Variants in INTU observed in about 807,000 individuals in gnomAD.
The protein encoded by INTU is protein inturned.
INTU carries 68 observed loss-of-function variants against 100.5 expected under a neutral mutation model. That is an observed-to-expected ratio of 0.68 (90% CI 0.56 to 0.83). The LOEUF (loss-of-function observed/expected upper bound fraction) is 0.83, where lower values mean the gene tolerates loss of function less well. Ranked by LOEUF, INTU falls within the 40% of genes least tolerant of loss-of-function variation. The probability of loss-of-function intolerance (pLI) is 0.00; values close to 1 mark genes in which losing one functional copy is unlikely to be tolerated. For synonymous variants in INTU, 357 were observed against 395.7 expected (o/e 0.90, Z 1.16); for missense variants, 1,071 against 1,114.7 (o/e 0.96, Z 0.56).
At chr4:127,639,716 CA>C (rs1727226202) in intron 1 of INTU, among the ~76,000 whole-genome samples, 1 of 152,054 alleles carries the variant, frequency 6.6e-6, no homozygotes, top group Non-Finnish European at 1.5e-5. Context: ...GTGATTAAAT[CA>C]GGGCATTTGG....
At chr4:127,685,973 T>C (rs1334335377) in intron 7 of INTU, 1 of 152,218 alleles carries the variant, frequency 6.6e-6, no homozygotes, top group Admixed American at 6.6e-5. Context: ...ATAATAAATG[T>C]GAAGATCCAT....
intron 10 of INTU, 58 bp from the exon 11 acceptor site, chr4:127,705,533 T>A: frequency 8.0e-7 from 1 of 1,256,320 alleles, no homozygotes; most frequent in Non-Finnish European, 1.2e-6. Flanking sequence ...TTAGAAATAT[T>A]ATGGGACTAT....
chr4:127,719,879 T>C lies in INTU; in HGVS notation c.*3443T>C, dbSNP rs1731320992. 1.3e-5 allele frequency: 2 copies of C among 152,284 alleles called. No individual in the cohort carries two copies. The highest frequency in any genetic ancestry group is 4.1e-4 in the South Asian group (2 of 4,828). 9.4% of individuals were successfully genotyped at this position (152,284 alleles called of 1,614,324 possible). Reference sequence around the variant, plus strand: ...TATTTGGTTCTTCTCTCTTTTCTTCTTTATTAGTCTAGCTAATAGTCTATT... The same window carrying C: ...TATTTGGTTCTTCTCTCTTTTCTTCCTTATTAGTCTAGCTAATAGTCTATT... On this transcript the variant is annotated 3_prime_UTR_variant, in exon 16 of 16. Transcript: ENST00000335251.
intron 4 of INTU, among the ~76,000 whole-genome samples, chr4:127,664,429 G>T (rs1400418576): frequency 2.0e-5 from 3 of 151,884 alleles, no homozygotes; most frequent in African/African-American, 7.2e-5. Flanking sequence ...TTTCTTGTCT[G>T]CTTTGCCTAT....
At chr4:127,704,102 A>G (rs1456555020) in intron 9 of INTU, 126 bp from the exon 10 acceptor site, 1 of 692,846 alleles carries the variant, frequency 1.4e-6, no homozygotes, top group East Asian at 2.7e-5. Context: ...ATTGATTTCT[A>G]AAGATGGCAC....
intron 2 of INTU, among the ~76,000 whole-genome samples, chr4:127,651,215 T>G (rs1727854821): frequency 6.6e-6 from 1 of 152,126 alleles, no homozygotes; most frequent in Non-Finnish European, 1.5e-5. Context: ...AGAAGCTCTT[T>G]AGTTTAATTA....
chr4:127,655,224 G>A (rs529740519), intron 2 of INTU, among the ~76,000 whole-genome samples: 21 of 152,032 alleles, frequency 1.4e-4, no homozygotes, highest in Non-Finnish European at 2.2e-4. Context: ...CTCTCAGCTC[G>A]TCAAAGTCAT....
At chr4:127,682,802 A>G (rs1224381777) in intron 6 of INTU, among the ~76,000 whole-genome samples, 1 of 152,170 alleles carries the variant, frequency 6.6e-6, no homozygotes, top group African/African-American at 2.4e-5. Context: ...TTATGGGTTT[A>G]CAAGGATTGG....
intron 1 of INTU, among the ~76,000 whole-genome samples, chr4:127,642,944 G>A (rs1237926949): frequency 6.6e-6 from 1 of 151,676 alleles, no homozygotes; most frequent in South Asian, 2.1e-4. Context: ...ATTATAAATG[G>A]GTTGTTTTCA....
chr4:127,700,903 A>G (rs1386192020), intron 9 of INTU, among the ~76,000 whole-genome samples: 1 of 152,172 alleles, frequency 6.6e-6, no homozygotes, highest in Non-Finnish European at 1.5e-5. Flanking sequence ...CCATATGTCA[A>G]GGTTACCAAA....
At chr4:127,667,378 C>T (rs1287622427) in intron 4 of INTU, among the ~76,000 whole-genome samples, 1 of 152,124 alleles carries the variant, frequency 6.6e-6, no homozygotes. Flanking sequence ...AACCGTAGAG[C>T]TTGCCAGGTC....
rs1730898175 is a variant in INTU, at chr4:127,706,776, G to A, written c.2078G>A (p.Arg693Lys). 6.2e-7 allele frequency: 1 copy of A among 1,614,126 alleles called. No individual in the cohort carries two copies. The highest frequency in any genetic ancestry group is 2.2e-5 in the East Asian group (1 of 44,884). Reference protein sequence around the residue: ...TSKVATSPTCRRTLFGDYSLK... With the variant: ...TSKVATSPTCKRTLFGDYSLK... ...AAAGTAGCAACTTCTCCAACATGCA[G>A]AAGAACGCTTTTTGGTGACTATTCC... is the stretch of plus-strand genomic sequence containing the variant. The change falls in exon 12 of 16, where the codon AGA (arginine) becomes AAA (lysine). Residue 693 changes from arginine (R) to lysine (K), a missense_variant. Physicochemically the swap from Arg to Lys is conservative, Grantham distance 26 (BLOSUM62 2). Transcript: ENST00000335251.
chr4:127,673,842 C>CT (rs1450846049), intron 5 of INTU, among the ~76,000 whole-genome samples: 2 of 151,850 alleles, frequency 1.3e-5, no homozygotes, highest in African/African-American at 4.8e-5. Flanking sequence ...AGAGATCCAT[C>CT]TGCCTTGGTC....
intron 2 of INTU, among the ~76,000 whole-genome samples, chr4:127,652,243 C>A (rs1341960498): frequency 6.4e-5 from 9 of 140,096 alleles, no homozygotes; most frequent in Non-Finnish European, 7.7e-5. Flanking sequence ...CTGGCCAGAA[C>A]TTCCAACACT....
chr4:127,674,697 T>C (rs1034337321), intron 6 of INTU, among the ~76,000 whole-genome samples: 3 of 152,224 alleles, frequency 2.0e-5, no homozygotes, highest in Non-Finnish European at 4.4e-5. Context: ...TTAACTTTTT[T>C]GTGAGTATTT....
intron 2 of INTU, 111 bp downstream of exon 2, chr4:127,644,167 A>T (rs925732024): frequency 1.3e-4 from 147 of 1,119,272 alleles, no homozygotes; most frequent in Non-Finnish European, 1.8e-4. Context: ...CAGATAAAGA[A>T]CTGATTAATG....
chr4:127,643,492 AT>A (rs1313486041), intron 1 of INTU, 28 bp from the exon 2 acceptor site: 1 of 1,542,914 alleles, frequency 6.5e-7, no homozygotes, highest in Non-Finnish European at 8.7e-7. Flanking sequence ...TTGGGCTGCT[AT>A]TAAGATTATC....
rs1261086268 is a variant in INTU, at chr4:127,723,560, C to CT, written c.*7127dup. On this transcript the variant is annotated 3_prime_UTR_variant, in exon 16 of 16. Transcript: ENST00000335251. ...ACTTACTTTTTATTTATTTGATTCT[C>CT]TTTAAGTTTCAGGTAAGCTCAATTT... The CT allele has an allele frequency of 1.3e-5, 2 of 151,888 alleles. No homozygotes were observed. Among genetic ancestry groups the CT allele is most frequent in the Non-Finnish European group, 2.9e-5 (2 of 68,002 alleles). 9.4% of individuals were successfully genotyped at this position (151,888 alleles called of 1,614,324 possible).
At chr4:127,696,845 T>C (rs1730414220) in intron 8 of INTU, among the ~76,000 whole-genome samples, 1 of 152,204 alleles carries the variant, frequency 6.6e-6, no homozygotes, top group South Asian at 2.1e-4. Flanking sequence ...GCACCACTTT[T>C]GCTGCACCAT....
Sources: allele counts gnomAD v4.1 joint callset (sites outside exome capture counted in the v4.1 genomes callset), GRCh38; gene constraint gnomAD v4.1.1; transcripts MANE v1.5; gene names NCBI Gene and HGNC (gene_info 2026-07-23, HGNC 2026-07-21).